The following SLC35B4 variants were observed in gnomAD, a reference collection of about 807,000 sequenced individuals.
SLC35B4 encodes solute carrier family 35 member B4.
In SLC35B4, 28 loss-of-function variants were observed where a neutral mutation model predicts 39.5. That is an observed-to-expected ratio of 0.71 (90% CI 0.53 to 0.97). The LOEUF (loss-of-function observed/expected upper bound fraction) is 0.97, where lower values mean the gene tolerates loss of function less well. Among genes scored for constraint, SLC35B4 ranks in the 50% least tolerant of loss-of-function variants. SLC35B4 has a pLI of 0.00. For missense variants in SLC35B4, 334 were observed against 414.3 expected (o/e 0.81, Z 1.68); for synonymous variants, 145 against 150.4 (o/e 0.96, Z 0.26).
chr7:134,317,191 C>T (rs372642964), upstream of SLC35B4: 1 of 176,310 alleles, frequency 5.7e-6, no homozygotes, highest in Non-Finnish European at 1.2e-5. Context: ...CTGAAAGTAA[C>T]TCGGCCGCCA....
At chr7:134,305,613 C>T (rs1803689349) in intron 3 of SLC35B4, among the ~76,000 whole-genome samples, 1 of 152,108 alleles carries the variant, frequency 6.6e-6, no homozygotes, top group African/African-American at 2.4e-5. Flanking sequence ...TTTCCATCAC[C>T]TAATTTATAA....
In SLC35B4 at chr7:134,294,932, G is replaced by A; in HGVS notation, c.897C>T (p.Gly299=). Reference sequence around the variant, plus strand: ...AGGTCCCAATGAAGACAAACAAGGTGCCCAGCCAGTGCCACAGGGTGAAGG... The same window carrying A: ...AGGTCCCAATGAAGACAAACAAGGTACCCAGCCAGTGCCACAGGGTGAAGG... ...QNPFTLWHWL[G]TLFVFIGTLM... is the part of the protein sequence containing the mutation. Residue 299 remains glycine (G), a synonymous_variant, in exon 10 of 10, where the codon GGC becomes GGT. Coordinates refer to ENST00000378509, the MANE Select transcript of SLC35B4 (RefSeq NM_032826.5). The A allele has an allele frequency of 6.2e-7, 1 of 1,614,146 alleles. No homozygotes were observed. The highest frequency in any genetic ancestry group is 8.5e-7 in the Non-Finnish European group (1 of 1,180,046).
At chr7:134,308,670 A>T (rs1300186250) in intron 2 of SLC35B4, among the ~76,000 whole-genome samples, 1 of 152,206 alleles carries the variant, frequency 6.6e-6, no homozygotes, top group Non-Finnish European at 1.5e-5. Flanking sequence ...GGAGTAAGTG[A>T]CATCATCCTA....
At chr7:134,295,760 A>G (rs1192605913) in intron 9 of SLC35B4, among the ~76,000 whole-genome samples, 3 of 152,064 alleles carry the variant, frequency 2.0e-5, no homozygotes, top group African/African-American at 7.2e-5. Flanking sequence ...GCAGCTTGTG[A>G]TCACTGGAAA....
At chr7:134,301,674 T>C in intron 6 of SLC35B4, 87 bp downstream of exon 6, 1 of 1,261,194 alleles carries the variant, frequency 7.9e-7, no homozygotes, top group Non-Finnish European at 1.2e-6. Context: ...TAGCTGAAGC[T>C]TCTTGCCAAG....
rs2598289 is a variant in SLC35B4 at position 134,294,959 on chromosome 7, G to A, written c.870C>T (p.Asn290=). ...CCAGCCAGTGCCACAGGGTGAAGGG[G>A]TTCTGGAAGTACAAGATGGAAAAGA... ...SLIFSILYFQ[N]PFTLWHWLGT... is the part of the protein sequence containing the mutation. Residue 290 remains asparagine, a synonymous_variant, in exon 10 of 10, where the codon AAC becomes AAT. Transcript: ENST00000378509. 28,684 of 1,614,116 alleles carry A rather than the reference G, an allele frequency of 0.018. 2,065 individuals carry two copies. The African/African-American group carries it at 0.19, about 11-fold the overall frequency.
At position 134,310,817 on chromosome 7, in the gene SLC35B4, G is replaced by C. The variant is rs144664285; in HGVS notation, c.78-1338C>G. On this transcript the variant is annotated intron_variant, in intron 1 of 9. Transcript: ENST00000378509. ...CTGCCTCGGCCTCCCAAAGTGCTGG[G>C]ATTACAGGCGTGAGCCACCACACCC... Among the ~76,000 whole-genome samples, 1,412 of 152,228 alleles carry C rather than the reference G, an allele frequency of 9.3e-3. 25 individuals carry two copies. Among genetic ancestry groups the C allele is most frequent in the African/African-American group, 0.033 (1,375 of 41,546 alleles).
chr7:134,299,909 A>G (rs925108126), intron 7 of SLC35B4, among the ~76,000 whole-genome samples: 1 of 152,184 alleles, frequency 6.6e-6, no homozygotes, highest in Non-Finnish European at 1.5e-5. Flanking sequence ...TTTCTGCACA[A>G]AAGGATTTGC....
At chr7:134,300,011 A>C (rs1017035218) in intron 7 of SLC35B4, 141 bp downstream of exon 7, 33 of 605,810 alleles carry the variant, frequency 5.4e-5, no homozygotes, top group Non-Finnish European at 8.2e-5. Flanking sequence ...GCATCCCATC[A>C]AAACTGCTTC....
In SLC35B4 at chr7:134,316,892, G is replaced by T; in HGVS notation, c.-141C>A. ...GCCGCTCTCACTGGGGGCCGCCGCG[G>T]TCTCCCCTTCTCCCGCGGCCAACAC... On this transcript the variant is annotated 5_prime_UTR_variant, in exon 1 of 10. Transcript: ENST00000378509. 1.3e-6 allele frequency: 1 copy of T among 755,980 alleles called. No homozygotes were observed. Among genetic ancestry groups the T allele is most frequent in the Non-Finnish European group, 2.1e-6 (1 of 469,340 alleles). The allele number at this position is 755,980 out of a possible 1,614,324, so 46.8% of individuals were successfully genotyped here. A position where few individuals can be genotyped will look rare whatever the true frequency, so the allele number is the denominator to read the frequency against.
Position 134,295,089 on chromosome 7 carries a change from T to A in SLC35B4, c.750-10A>T, listed in dbSNP as rs754019347. 5.6e-6 allele frequency: 9 copies of A among 1,612,606 alleles called. No homozygotes were observed. Among genetic ancestry groups the A allele is most frequent in the African/African-American group, 2.7e-5 (2 of 74,612 alleles). On this transcript the variant is annotated splice_polypyrimidine_tract_variant and intron_variant, in intron 9 of 9. Coordinates refer to ENST00000378509, the MANE Select transcript of SLC35B4 (RefSeq NM_032826.5). The stretch of plus-strand genomic sequence containing the variant: ...CCGGATGCACACGTACCTGGAGGAG[T>A]GGAGTCAAGGTAGTTTTCTGTAGAC...
At chr7:134,304,724 C>T in intron 4 of SLC35B4, 81 bp downstream of exon 4, 2 of 1,117,402 alleles carry the variant, frequency 1.8e-6, no homozygotes, top group South Asian at 2.8e-5. Context: ...TATTTTGGGA[C>T]AAGGAATCCA....
At chr7:134,315,515 T>C (rs544015525) in intron 1 of SLC35B4, among the ~76,000 whole-genome samples, 3 of 152,156 alleles carry the variant, frequency 2.0e-5, no homozygotes, top group African/African-American at 7.2e-5. Flanking sequence ...TTAAAAATAT[T>C]GTATACAATT....
rs140798276 is a variant in SLC35B4 at position 134,316,381 on chromosome 7, C to G, written c.77+294G>C. On this transcript the variant is annotated intron_variant, in intron 1 of 9. Coordinates refer to ENST00000378509, the MANE Select transcript of SLC35B4 (RefSeq NM_032826.5). The stretch of plus-strand genomic sequence containing the variant: ...AAAAACTCTTCAGACTTCAATACCC[C>G]CCGAGTGTGGAAAAGGGGTGACGAC... Among the ~76,000 whole-genome samples the G allele has an allele frequency of 2.9e-4, 44 of 152,346 alleles. No homozygotes were observed. The East Asian group carries it at 7.9e-3, about 27-fold the overall frequency.
At chr7:134,301,252 C>T (rs1585637299) in intron 6 of SLC35B4, among the ~76,000 whole-genome samples, 1 of 152,286 alleles carries the variant, frequency 6.6e-6, no homozygotes, top group East Asian at 1.9e-4. Context: ...TCTACAGGAG[C>T]TGCCTATTTA....
Position 134,316,889 on chromosome 7 carries a change from G to C in SLC35B4, c.-138C>G. On this transcript the variant is annotated 5_prime_UTR_variant, in exon 1 of 10. Coordinates refer to ENST00000378509, the MANE Select transcript of SLC35B4 (RefSeq NM_032826.5). ...AAAGCCGCTCTCACTGGGGGCCGCC[G>C]CGGTCTCCCCTTCTCCCGCGGCCAA... 1.3e-6 allele frequency: 1 copy of C among 783,962 alleles called. No individual in the cohort carries two copies. The highest frequency in any genetic ancestry group is 1.7e-5 in the South Asian group (1 of 57,488). The allele number at this position is 783,962 out of a possible 1,614,324, so 48.6% of individuals were successfully genotyped here. A position where few individuals can be genotyped will look rare whatever the true frequency, so the allele number is the denominator to read the frequency against.
chr7:134,299,005 T>G (rs1405026278), intron 8 of SLC35B4, among the ~76,000 whole-genome samples: 2 of 152,240 alleles, frequency 1.3e-5, no homozygotes, highest in Non-Finnish European at 2.9e-5. Context: ...TAACTTACAC[T>G]AGACGCTTGA....
intron 2 of SLC35B4, among the ~76,000 whole-genome samples, chr7:134,307,263 G>A (rs1289545914): frequency 1.3e-5 from 2 of 151,422 alleles, no homozygotes; most frequent in African/African-American, 2.4e-5. Flanking sequence ...GGTTTGACTT[G>A]TACAGATTTT....
intron 3 of SLC35B4, among the ~76,000 whole-genome samples, chr7:134,305,404 A>G (rs1803684338): frequency 6.6e-6 from 1 of 152,162 alleles, no homozygotes; most frequent in South Asian, 2.1e-4. Context: ...AATTCTCAAT[A>G]TAGTCATTAT....
Sources: gnomAD v4.1 joint callset for allele counts (sites outside exome capture counted in the v4.1 genomes callset) on GRCh38, gnomAD v4.1.1 for gene constraint, MANE v1.5 for transcripts, NCBI Gene and HGNC (gene_info 2026-07-23, HGNC 2026-07-21) for gene names.